Variants in LIMCH1 observed in about 807,000 individuals in gnomAD.
LIMCH1 encodes LIM and calponin homology domains-containing protein 1.
LIMCH1 carries 113 observed loss-of-function variants against 176.5 expected under a neutral mutation model. The ratio of observed to expected loss-of-function variants is 0.64; its 90% CI spans 0.55 to 0.75. The LOEUF is 0.75. Ranked by LOEUF, LIMCH1 falls within the 30% of genes least tolerant of loss-of-function variation. LIMCH1 has a pLI of 0.00. For missense variants in LIMCH1, 1,674 were observed against 1,814.9 expected (o/e 0.92, Z 1.41); for synonymous variants, 619 against 645.9 (o/e 0.96, Z 0.63).
intron 10 of LIMCH1, among the ~76,000 whole-genome samples, chr4:41,631,840 CTCTT>C: frequency 6.6e-6 from 1 of 152,298 alleles, no homozygotes; most frequent in East Asian, 1.9e-4. Flanking sequence ...TATAACCTCT[CTCTT>C]TCCTGTCCCT....
chr4:41,621,980 A>G (rs2092615112), intron 7 of LIMCH1, among the ~76,000 whole-genome samples: 1 of 152,020 alleles, frequency 6.6e-6, no homozygotes, highest in African/African-American at 2.4e-5. Flanking sequence ...TTTGTATTAA[A>G]AAAAAAAACA....
chr4:41,601,344 C>T (rs147649147), intron 2 of LIMCH1, among the ~76,000 whole-genome samples: 10 of 152,142 alleles, frequency 6.6e-5, no homozygotes, highest in Non-Finnish European at 1.0e-4. Context: ...GTGGCCAGTC[C>T]GGAGGTGGTT....
At chr4:41,610,077 A>T (rs2091246274) in intron 4 of LIMCH1, among the ~76,000 whole-genome samples, 1 of 152,182 alleles carries the variant, frequency 6.6e-6, no homozygotes, top group South Asian at 2.1e-4. Context: ...CAGCTCTTGC[A>T]CTTGGTCCAA....
rs1731409367 is a variant in LIMCH1 at position 41,697,319 on chromosome 4, T to C, written c.*134T>C. ...TCTGAAAGGCTCTTCTGAAAGGTGG[T>C]ATCTGTTCTTTCGTAGCACAGTGTT... On this transcript the variant is annotated 3_prime_UTR_variant, in exon 32 of 32. Coordinates refer to ENST00000503057, the MANE Select transcript of LIMCH1 (RefSeq NM_001330672.2). 1.3e-6 allele frequency: 1 copy of C among 774,718 alleles called. No individual in the cohort carries two copies. The highest frequency in any genetic ancestry group is 2.2e-6 in the Non-Finnish European group (1 of 454,374). The allele number at this position is 774,718 out of a possible 1,614,324, so 48.0% of individuals were successfully genotyped here.
chr4:41,593,374 A>G (rs1406099708), intron 1 of LIMCH1, among the ~76,000 whole-genome samples: 1 of 152,218 alleles, frequency 6.6e-6, no homozygotes, highest in Non-Finnish European at 1.5e-5. Context: ...ACTGAGACTC[A>G]TGTTATGCAG....
At chr4:41,658,998 A>G (rs1029216914) in intron 18 of LIMCH1, among the ~76,000 whole-genome samples, 8 of 152,228 alleles carry the variant, frequency 5.3e-5, no homozygotes, top group Non-Finnish European at 8.8e-5. Context: ...AAACAAAAAT[A>G]CCATCATGTA....
intron 3 of LIMCH1, chr4:41,524,502 A>G (rs751764948): frequency 6.5e-7 from 1 of 1,550,320 alleles, no homozygotes; most frequent in Non-Finnish European, 8.9e-7. Context: ...ATTGAGATTT[A>G]TTTTCCAATA....
chr4:41,696,567 G>A (rs528161051), intron 31 of LIMCH1, among the ~76,000 whole-genome samples: 2 of 152,246 alleles, frequency 1.3e-5, no homozygotes, highest in East Asian at 1.9e-4. Flanking sequence ...TTAAGTCTGT[G>A]TATGTCCCAA....
chr4:41,533,717 A>G (rs2077572677), upstream of LIMCH1, among the ~76,000 whole-genome samples: 1 of 152,230 alleles, frequency 6.6e-6, no homozygotes, highest in South Asian at 2.1e-4. Flanking sequence ...TATAATATGC[A>G]AGAAAGACCA....
In LIMCH1 at chr4:41,684,444, G is replaced by A. The variant is rs1433130059; in HGVS notation, c.3893G>A (p.Gly1298Glu). The change falls in exon 27 of 32, where the codon GGA becomes GAA. Residue 1298 changes from glycine to glutamate, a missense_variant. Gly to Glu is a moderately conservative substitution (Grantham distance 98). Transcript: ENST00000503057. Reference sequence around the variant, plus strand: ...CATTCTGGGAACCCTGTATCAAAAGGAGTCCATGAAGACCATCAGCTGGAT... The same window carrying A: ...CATTCTGGGAACCCTGTATCAAAAGAAGTCCATGAAGACCATCAGCTGGAT... Reference protein sequence around the residue: ...LAHSGNPVSKGVHEDHQLDTE... With the variant: ...LAHSGNPVSKEVHEDHQLDTE... 8.1e-6 allele frequency: 13 copies of A among 1,613,606 alleles called. No homozygotes were observed. Among genetic ancestry groups the A allele is most frequent in the Admixed American group, 1.7e-5 (1 of 59,952 alleles).
intron 9 of LIMCH1, 82 bp from the exon 10 acceptor site, chr4:41,631,066 T>G (rs1017913902): frequency 3.0e-5 from 26 of 871,312 alleles, no homozygotes; most frequent in Admixed American, 1.2e-4. Flanking sequence ...CTACTTCTAG[T>G]TTTTTTTTTT....
At chr4:41,475,448 T>A (rs1191499491) in intron 1 of LIMCH1, among the ~76,000 whole-genome samples, 1 of 152,198 alleles carries the variant, frequency 6.6e-6, no homozygotes, top group Admixed American at 6.5e-5. Context: ...AGGGATTGTG[T>A]CTGTTTCTTC....
At chr4:41,601,586 T>C (rs2089936400) in intron 2 of LIMCH1, among the ~76,000 whole-genome samples, 2 of 152,176 alleles carry the variant, frequency 1.3e-5, no homozygotes, top group Admixed American at 6.5e-5. Context: ...GGCGTGGCAG[T>C]CCACAAGCAG....
At chr4:41,419,611 C>CG (rs1561310132) in intron 1 of LIMCH1, among the ~76,000 whole-genome samples, 4 of 87,034 alleles carry the variant, frequency 4.6e-5, no homozygotes, top group Admixed American at 1.2e-4. Flanking sequence ...TCCGTCCTTC[C>CG]TTCCTTCCTT....
intron 1 of LIMCH1, among the ~76,000 whole-genome samples, chr4:41,474,101 G>C (rs4861112): frequency 0.47 from 70,814 of 151,958 alleles, 18,858 homozygotes; most frequent in African/African-American, 0.74. Flanking sequence ...TTGCTTGAAC[G>C]CATGAAGGGG....
chr4:41,590,461 T>C (rs982097897), intron 1 of LIMCH1, among the ~76,000 whole-genome samples: 22 of 152,000 alleles, frequency 1.4e-4, no homozygotes, highest in African/African-American at 5.3e-4. Flanking sequence ...TGACATCTTT[T>C]CCCAAAACAA....
chr4:41,571,003 A>G (rs2152607017), intron 1 of LIMCH1, among the ~76,000 whole-genome samples: 1 of 152,256 alleles, frequency 6.6e-6, no homozygotes, highest in South Asian at 2.1e-4. Context: ...GCAAGTAAGG[A>G]ATGATTGTTG....
chr4:41,555,178 C>T (rs930472753), intron 1 of LIMCH1, among the ~76,000 whole-genome samples: 11 of 152,146 alleles, frequency 7.2e-5, no homozygotes. Context: ...TTCTGTTGAA[C>T]GTTATGAACT....
At chr4:41,374,819 C>G (rs956598821) in intron 1 of LIMCH1, among the ~76,000 whole-genome samples, 2 of 152,202 alleles carry the variant, frequency 1.3e-5, no homozygotes, top group African/African-American at 4.8e-5. Flanking sequence ...CCCTACCCCA[C>G]TTCAGAAGGT....
Sources: allele counts gnomAD v4.1 joint callset (sites outside exome capture counted in the v4.1 genomes callset), GRCh38; gene constraint gnomAD v4.1.1; transcripts MANE v1.5; gene names NCBI Gene and HGNC (gene_info 2026-07-23, HGNC 2026-07-21).